ENTPD6: variants seen among roughly 807,000 people sequenced by gnomAD.
ENTPD6 encodes ectonucleoside triphosphate diphosphohydrolase 6.
Under a neutral mutation model 61.5 loss-of-function variants are expected in ENTPD6, and 46 were observed. That is an observed-to-expected ratio of 0.75 (90% CI 0.59 to 0.96). The LOEUF is 0.96. Ranked by LOEUF, ENTPD6 falls within the 40% of genes least tolerant of loss-of-function variation. The pLI is 0.00. For synonymous variants in ENTPD6, 252 were observed against 255.5 expected, an observed-to-expected ratio of 0.99 and a Z score of 0.13; for missense variants, 612 against 629.0, an observed-to-expected ratio of 0.97 and a Z score of 0.29.
intron 7 of ENTPD6, among the ~76,000 whole-genome samples, 196 bp from the exon 8 acceptor site, chr20:25,216,451 CA>C (rs2092317490): frequency 2.0e-5 from 3 of 152,152 alleles, no homozygotes; most frequent in African/African-American, 7.2e-5. Flanking sequence ...CATCAGGATC[CA>C]AATTAAACCA....
intron 1 of ENTPD6, among the ~76,000 whole-genome samples, chr20:25,204,030 G>T (rs1257570299): frequency 1.3e-5 from 2 of 152,140 alleles, no homozygotes; most frequent in African/African-American, 4.8e-5. Flanking sequence ...CATATTCGTG[G>T]CTGTTTCAAA....
chr20:25,196,209 G>C (rs995769684), intron 1 of ENTPD6: 1 of 1,180,528 alleles, frequency 8.5e-7, no homozygotes, highest in African/African-American at 1.6e-5. Context: ...CTCCGCCCTG[G>C]ATGAGCCCGG....
At chr20:25,198,218 G>T (rs2096344626) in intron 1 of ENTPD6, among the ~76,000 whole-genome samples, 1 of 152,170 alleles carries the variant, frequency 6.6e-6, no homozygotes, top group South Asian at 2.1e-4. Context: ...TCTCACACCT[G>T]TAATTTCAGC....
In ENTPD6 at chr20:25,225,669, T is replaced by C. The variant is rs1005220295; in HGVS notation, c.*72T>C. 6.0e-6 allele frequency: 8 copies of C among 1,328,498 alleles called. No homozygotes were observed. The highest frequency in any genetic ancestry group is 8.5e-6 in the Non-Finnish European group (8 of 943,478). 82.3% of individuals were successfully genotyped at this position (1,328,498 alleles called of 1,614,324 possible). ...TAAACCCTCCTGTCCTGGACGTGAC[T>C]TCATCCTGAGGAGCCACAGCACAGG... On this transcript the variant is annotated 3_prime_UTR_variant, in exon 15 of 15. Transcript: ENST00000376652.
chr20:25,207,512 T>C, intron 3 of ENTPD6, 115 bp downstream of exon 3: 1 of 940,184 alleles, frequency 1.1e-6, no homozygotes, highest in East Asian at 2.7e-5. Context: ...TTCCCAGAGA[T>C]GCTGACGCTG....
At chr20:25,217,346 T>C (rs4815394) in intron 8 of ENTPD6, among the ~76,000 whole-genome samples, 156 bp from the exon 9 acceptor site, 149,753 of 152,264 alleles carry the variant, frequency 0.98, 73,642 homozygotes, top group East Asian at 1. Flanking sequence ...ATTGGCTCCT[T>C]ATTGCCTGCT....
intron 1 of ENTPD6, among the ~76,000 whole-genome samples, chr20:25,201,332 T>A (rs891093597): frequency 7.2e-5 from 11 of 152,222 alleles, no homozygotes; most frequent in African/African-American, 2.7e-4. Context: ...TTCTGTCCAT[T>A]ATTCAAAGTG....
chr20:25,212,895 C>T (rs6050441), intron 4 of ENTPD6, among the ~76,000 whole-genome samples: 12,020 of 152,188 alleles, frequency 0.079, 1,472 homozygotes, highest in African/African-American at 0.27. Flanking sequence ...TTAGTAGAAA[C>T]GTGGTTTCAC....
In ENTPD6 at chr20:25,202,392, A is replaced by T. The variant is rs745779625; in HGVS notation, c.-15-4130A>T. On this transcript the variant is annotated intron_variant, in intron 1 of 14. Coordinates refer to ENST00000376652, the MANE Select transcript of ENTPD6 (RefSeq NM_001247.5). ...AGTTAATCCATTTATATTTAAAGTA[A>T]TTACTCATAGGGAAGGACTTGTTTT... Among the ~76,000 whole-genome samples, 4 of 152,292 alleles carry T rather than the reference A, an allele frequency of 2.6e-5. No individual in the cohort carries two copies. In the East Asian group the frequency reaches 5.8e-4, roughly 22 times the overall value.
intron 2 of ENTPD6, 128 bp downstream of exon 2, chr20:25,206,718 A>G (rs1450470485): frequency 2.8e-5 from 21 of 763,500 alleles, no homozygotes; most frequent in Non-Finnish European, 4.8e-5. Context: ...GTTCCCATGA[A>G]CAGTTTGGGA....
intron 7 of ENTPD6, among the ~76,000 whole-genome samples, 155 bp downstream of exon 7, chr20:25,215,866 G>T (rs2092284515): frequency 6.6e-6 from 1 of 152,178 alleles, no homozygotes; most frequent in East Asian, 1.9e-4. Context: ...GTTGGGGATG[G>T]GTGGGGTCAC....
chr20:25,214,592 G>C, intron 5 of ENTPD6: 1 of 425,526 alleles, frequency 2.4e-6, no homozygotes, highest in East Asian at 5.1e-5. Context: ...GGATTAGAGA[G>C]GCCTGAACAC....
intron 1 of ENTPD6, among the ~76,000 whole-genome samples, chr20:25,197,488 G>GT (rs1360891458): frequency 6.6e-6 from 1 of 152,208 alleles, no homozygotes; most frequent in Non-Finnish European, 1.5e-5. Flanking sequence ...AGATGGCATT[G>GT]TTTTCCTCAA....
intron 9 of ENTPD6, among the ~76,000 whole-genome samples, chr20:25,217,886 T>TC (rs1555797355): frequency 1.4e-4 from 18 of 130,008 alleles, no homozygotes; most frequent in African/African-American, 5.1e-4. Flanking sequence ...CAGACCTCTC[T>TC]CTCCTCCTCC....
intron 1 of ENTPD6, among the ~76,000 whole-genome samples, chr20:25,205,028 G>A (rs2091347237): frequency 1.3e-5 from 2 of 152,152 alleles, no homozygotes; most frequent in Admixed American, 1.3e-4. Context: ...CCCTGTTTAT[G>A]GATTTTCTAC....
At chr20:25,223,020 C>CTGGGGGGGGGGGGG in intron 12 of ENTPD6, 42 bp downstream of exon 12, 1 of 1,368,276 alleles carries the variant, frequency 7.3e-7, no homozygotes, top group East Asian at 2.6e-5. Flanking sequence ...GTCGGGGCGG[C>CTGGGGGGGGGGGGG]AGGGGGCGGG....
At chr20:25,214,221 A>T (rs1483414285) in intron 5 of ENTPD6, among the ~76,000 whole-genome samples, 1 of 152,168 alleles carries the variant, frequency 6.6e-6, no homozygotes, top group Admixed American at 6.5e-5. Context: ...ATTTACCTGC[A>T]GGAGGAGGGC....
intron 2 of ENTPD6, 97 bp downstream of exon 2, chr20:25,206,687 C>G: frequency 1.1e-6 from 1 of 918,542 alleles, no homozygotes. Flanking sequence ...GATTGAAAGA[C>G]TGAATCAGAT....
intron 2 of ENTPD6, 108 bp downstream of exon 2, chr20:25,206,698 A>G: frequency 1.2e-6 from 1 of 855,728 alleles, no homozygotes; most frequent in Non-Finnish European, 2.0e-6. Flanking sequence ...TGAATCAGAT[A>G]CGCGCTTCTG....
Sources: allele counts gnomAD v4.1 joint callset (sites outside exome capture counted in the v4.1 genomes callset), GRCh38; gene constraint gnomAD v4.1.1; transcripts MANE v1.5; gene names NCBI Gene and HGNC (gene_info 2026-07-23, HGNC 2026-07-21).